Variants in PTPRK observed in about 807,000 individuals in gnomAD.
PTPRK encodes the protein protein tyrosine phosphatase receptor type K, also known as receptor-type tyrosine-protein phosphatase kappa.
A neutral mutation model predicts 178.0 loss-of-function variants in PTPRK; 75 were observed. The ratio of observed to expected loss-of-function variants is 0.42; its 90% CI spans 0.35 to 0.51. PTPRK has a LOEUF of 0.51. Among genes scored for constraint, PTPRK ranks in the 20% least tolerant of loss-of-function variants. The pLI, the probability that PTPRK is intolerant of heterozygous loss-of-function variation, is 0.02. For missense variants in PTPRK, 1,441 were observed against 1,797.8 expected, an observed-to-expected ratio of 0.80 and a Z score of 3.59; for synonymous variants, 637 against 620.6, an observed-to-expected ratio of 1.03 and a Z score of -0.39.
intron 1 of PTPRK, chr6:128,500,826 G>C (rs62425736): frequency 3.9e-5 from 6 of 152,058 alleles, no homozygotes; most frequent in African/African-American, 1.4e-4. Flanking sequence ...TCTGTTGCCC[G>C]GGCTAAGTGC....
At chr6:128,204,014 A>G (rs545799459) in intron 6 of PTPRK, among the ~76,000 whole-genome samples, 2 of 152,324 alleles carry the variant, frequency 1.3e-5, no homozygotes, top group African/African-American at 4.8e-5. Flanking sequence ...ATACTACCCA[A>G]CTTCTAGCTA....
rs997507025 is a variant in PTPRK at position 128,162,850 on chromosome 6, C to T, written c.1162+21582G>A. Reference sequence around the variant, plus strand: ...GTTTTCTGTTTTTCTATGTGATTAGCACAATTCTAGGTGCTACTTATTTGA... The same window carrying T: ...GTTTTCTGTTTTTCTATGTGATTAGTACAATTCTAGGTGCTACTTATTTGA... On this transcript the variant is annotated intron_variant, in intron 7 of 29. Coordinates refer to ENST00000368226, the MANE Select transcript of PTPRK (RefSeq NM_002844.4). Among the ~76,000 whole-genome samples, 5 of 151,472 alleles carry T rather than the reference C, an allele frequency of 3.3e-5. No individual in the cohort carries two copies. In the Admixed American group the frequency reaches 3.3e-4, roughly 10 times the overall value.
chr6:128,476,204 A>G (rs1488028021), intron 1 of PTPRK, among the ~76,000 whole-genome samples: 1 of 151,948 alleles, frequency 6.6e-6, no homozygotes, highest in Non-Finnish European at 1.5e-5. Context: ...TATGTCCATC[A>G]TTTTTACTGG....
intron 15 of PTPRK, chr6:128,003,140 C>T: frequency 1.3e-6 from 2 of 1,511,218 alleles, no homozygotes; most frequent in South Asian, 1.2e-5. Flanking sequence ...GTGGGCAAAC[C>T]CATGCAAGGA....
rs1203616350 is a variant in PTPRK at position 128,327,544 on chromosome 6, TCAAA to T, written c.224-5238_224-5235del. On this transcript the variant is annotated intron_variant, in intron 2 of 29. Transcript: ENST00000368226. ...CACACATCATGCCAGTTTTCTGTCC[TCAAA>T]CTGTCTCACAGTTTCTAAATGTCTG... 3.9e-5 allele frequency among the ~76,000 whole-genome samples: 6 copies of T among 152,298 alleles called. No individual in the cohort carries two copies. In the East Asian group the frequency reaches 1.2e-3, roughly 29 times the overall value.
At chr6:128,233,770 T>G (rs1812734501) in intron 5 of PTPRK, among the ~76,000 whole-genome samples, 1 of 152,182 alleles carries the variant, frequency 6.6e-6, no homozygotes, top group Non-Finnish European at 1.5e-5. Context: ...GATGACAATC[T>G]GCATAGGATT....
rs1289831483 is a variant in PTPRK at position 128,094,278 on chromosome 6, A to T, written c.1163-4286T>A. Reference sequence around the variant, plus strand: ...AACATAGTAAAATAACATTAATAAGATTAATTTGGAGGCTGTGTCAATTGT... The same window carrying T: ...AACATAGTAAAATAACATTAATAAGTTTAATTTGGAGGCTGTGTCAATTGT... On this transcript the variant is annotated intron_variant, in intron 7 of 29. Transcript: ENST00000368226. 2.6e-5 allele frequency among the ~76,000 whole-genome samples: 4 copies of T among 152,158 alleles called. No individual in the cohort carries two copies. The East Asian group carries it at 7.7e-4, about 29-fold the overall frequency.
chr6:128,026,047 A>T (rs1164518579), intron 13 of PTPRK, among the ~76,000 whole-genome samples: 1 of 152,190 alleles, frequency 6.6e-6, no homozygotes, highest in Non-Finnish European at 1.5e-5. Flanking sequence ...TTTAAACAGA[A>T]TTTTTCAAGG....
intron 3 of PTPRK, among the ~76,000 whole-genome samples, chr6:128,302,143 C>T (rs1356373963): frequency 6.6e-6 from 1 of 152,046 alleles, no homozygotes; most frequent in Non-Finnish European, 1.5e-5. Context: ...AATCTCAACA[C>T]TTTGGGAGGC....
At chr6:128,156,328 A>G (rs1328410356) in intron 7 of PTPRK, among the ~76,000 whole-genome samples, 1 of 151,954 alleles carries the variant, frequency 6.6e-6, no homozygotes, top group East Asian at 1.9e-4. Context: ...GCTATAAAGA[A>G]CTACCTGAGA....
chr6:128,220,615 A>G (rs1344463993), intron 5 of PTPRK, among the ~76,000 whole-genome samples: 4 of 152,228 alleles, frequency 2.6e-5, no homozygotes, highest in African/African-American at 9.6e-5. Context: ...TTGAGGATGC[A>G]TAAACCTCAG....
At chr6:128,382,940 T>A (rs1838158187) in intron 2 of PTPRK, among the ~76,000 whole-genome samples, 1 of 152,190 alleles carries the variant, frequency 6.6e-6, no homozygotes, top group African/African-American at 2.4e-5. Context: ...ATAAATGTCA[T>A]CCTATTTTTT....
intron 2 of PTPRK, among the ~76,000 whole-genome samples, chr6:128,390,313 TA>T (rs1839377529): frequency 6.6e-6 from 1 of 152,020 alleles, no homozygotes; most frequent in Non-Finnish European, 1.5e-5. Context: ...ATCAAATAAC[TA>T]AAAATAACAT....
intron 3 of PTPRK, among the ~76,000 whole-genome samples, chr6:128,304,904 C>A (rs1233504758): frequency 6.6e-6 from 1 of 152,160 alleles, no homozygotes; most frequent in Non-Finnish European, 1.5e-5. Context: ...CTCTAACTCA[C>A]CATGGCAGTT....
intron 2 of PTPRK, among the ~76,000 whole-genome samples, chr6:128,373,695 G>C (rs891318973): frequency 3.3e-5 from 5 of 151,940 alleles, no homozygotes; most frequent in African/African-American, 1.2e-4. Flanking sequence ...GTAACTATGC[G>C]ATCAATATGC....
chr6:128,402,121 T>G (rs1370340870), intron 1 of PTPRK, among the ~76,000 whole-genome samples: 2 of 152,154 alleles, frequency 1.3e-5, no homozygotes, highest in Non-Finnish European at 1.5e-5. Flanking sequence ...GCCAATATAT[T>G]TCACAAAAAT....
chr6:128,481,990 T>C (rs900637616), intron 1 of PTPRK, among the ~76,000 whole-genome samples: 1 of 152,086 alleles, frequency 6.6e-6, no homozygotes, highest in Non-Finnish European at 1.5e-5. Flanking sequence ...TAATCAAATA[T>C]GCTATCCCAA....
At chr6:128,258,784 G>T (rs1738277) in intron 3 of PTPRK, among the ~76,000 whole-genome samples, 6,870 of 152,246 alleles carry the variant, frequency 0.045, 517 homozygotes, top group African/African-American at 0.16. Flanking sequence ...GGAAGATGGA[G>T]GTAATGCCAT....
At chr6:128,002,522 A>T (rs1346947340) in intron 15 of PTPRK, among the ~76,000 whole-genome samples, 1 of 151,960 alleles carries the variant, frequency 6.6e-6, no homozygotes, top group East Asian at 1.9e-4. Context: ...TTAAATATAT[A>T]GGTAGGTTTA....
Sources: allele counts gnomAD v4.1 joint callset (sites outside exome capture counted in the v4.1 genomes callset), GRCh38; gene constraint gnomAD v4.1.1; transcripts MANE v1.5; gene names NCBI Gene and HGNC (gene_info 2026-07-23, HGNC 2026-07-21).